Variants in NPPC observed in about 807,000 individuals in gnomAD.
NPPC encodes the protein natriuretic peptide C.
NPPC carries 4 observed loss-of-function variants against 10.2 expected under a neutral mutation model. The observed-to-expected ratio is 0.39, with a 90% CI of 0.19 to 0.90. The LOEUF (loss-of-function observed/expected upper bound fraction) is 0.90. Among genes scored for constraint, NPPC ranks in the 40% least tolerant of loss-of-function variants. NPPC has a pLI of 0.37. For missense variants in NPPC, 182 were observed against 173.8 expected (o/e 1.05, Z -0.26); for synonymous variants, 83 against 87.3 (o/e 0.95, Z 0.27).
At chr2:231,925,859 C>G (rs890415878) in intron 1 of NPPC, 144 bp from the exon 2 acceptor site, 294 of 1,037,478 alleles carry the variant, frequency 2.8e-4, no homozygotes, top group Non-Finnish European at 1.1e-4. Context: ...AGCTTGGCCC[C>G]GCATCCACCT....
rs1278557722 is a variant in NPPC at position 231,925,583 on chromosome 2, G to T, written c.223C>A (p.Leu75Met). Residue 75 changes from leucine (L) to methionine (M), a missense_variant, in exon 2 of 3, where the codon CTG (leucine) becomes ATG (methionine). Physicochemically the swap from Leu to Met is conservative, Grantham distance 15. Coordinates refer to ENST00000409852, the MANE Select transcript of NPPC (RefSeq NM_024409.4). ...KGDRSRLLRD[L>M]RVDTKSRAAW... ...GCCCGCGACTTGGTGTCCACGCGCAGGTCCCGGAGCAGTCGCGACCGGTCG... is the reference window on the plus strand; with the variant it reads ...GCCCGCGACTTGGTGTCCACGCGCATGTCCCGGAGCAGTCGCGACCGGTCG... 6.2e-7 allele frequency: 1 copy of T among 1,612,246 alleles called. No homozygotes were observed. Among genetic ancestry groups the T allele is most frequent in the Non-Finnish European group, 8.5e-7 (1 of 1,179,568 alleles).
chr2:231,926,235 C>G lies in NPPC; in HGVS notation c.15G>C (p.Gln5His). The change falls in exon 1 of 3, where the codon CAG (glutamine) becomes CAC (histidine). Residue 5 changes from glutamine to histidine, a missense_variant. Physicochemically the swap from Gln to His is conservative, Grantham distance 24 (BLOSUM62 0). Transcript: ENST00000409852. ...TGAGCAGCAGGGCGCAGGCCAGCAG[C>G]TGGGAGAGATGCATGGTGCCGCTGG... is the stretch of plus-strand genomic sequence containing the variant. Reference protein sequence around the residue: MHLSQLLACALLLTL... With the variant: MHLSHLLACALLLTL... 7.6e-7 allele frequency: 1 copy of G among 1,322,186 alleles called. No individual in the cohort carries two copies. The highest frequency in any genetic ancestry group is 9.7e-7 in the Non-Finnish European group (1 of 1,032,882). The allele number at this position is 1,322,186 out of a possible 1,614,324, so 81.9% of individuals were successfully genotyped here. A position where few individuals can be genotyped will look rare whatever the true frequency, so the allele number is the denominator to read the frequency against.
chr2:231,923,084 G>T (rs1024131086), intron 2 of NPPC, among the ~76,000 whole-genome samples: 1 of 152,162 alleles, frequency 6.6e-6, no homozygotes, highest in Non-Finnish European at 1.5e-5. Flanking sequence ...TGGGTGCCCC[G>T]GGGCCCAAGG....
rs1691936102 is a variant in NPPC at position 231,922,034 on chromosome 2, A to T, written c.*302T>A. 3 of 151,538 alleles carry T rather than the reference A, an allele frequency of 2.0e-5. No homozygotes were observed. Among genetic ancestry groups the T allele is most frequent in the Non-Finnish European group, 4.4e-5 (3 of 67,912 alleles). The allele number at this position is 151,538 out of a possible 1,614,324, so 9.4% of individuals were successfully genotyped here. A position where few individuals can be genotyped will look rare whatever the true frequency, so the allele number is the denominator to read the frequency against. On this transcript the variant is annotated 3_prime_UTR_variant, in exon 3 of 3. Coordinates refer to ENST00000409852, the MANE Select transcript of NPPC (RefSeq NM_024409.4). ...CAGCTGGTTCTGTCAGTCTCTTAAAAACTGTCCCTTGTCATCAAGTCGGTG... is the reference window on the plus strand; with the variant it reads ...CAGCTGGTTCTGTCAGTCTCTTAAATACTGTCCCTTGTCATCAAGTCGGTG...
At position 231,925,407 on chromosome 2, in the gene NPPC, C is replaced by A; in HGVS notation, c.*18G>T. 6.3e-7 allele frequency: 1 copy of A among 1,584,702 alleles called. No homozygotes were observed. Among genetic ancestry groups the A allele is most frequent in the Non-Finnish European group, 8.6e-7 (1 of 1,164,032 alleles). On this transcript the variant is annotated splice_region_variant and 3_prime_UTR_variant, in exon 2 of 3. Coordinates refer to ENST00000409852, the MANE Select transcript of NPPC (RefSeq NM_024409.4). ...GGCGTCGGGTGGGCCGTACTCACCG[C>A]CGCCAGGGGGCGCCGCACTAACATC... is the stretch of plus-strand genomic sequence containing the variant.
chr2:231,924,718 C>T (rs1474793092), intron 2 of NPPC, among the ~76,000 whole-genome samples: 1 of 152,124 alleles, frequency 6.6e-6, no homozygotes, highest in Non-Finnish European at 1.5e-5. Flanking sequence ...CCCAGAGCAC[C>T]GGTTGGGTCG....
rs1219041060 is a variant in NPPC, at chr2:231,925,394, G to A, written c.*20+11C>T. 4 of 1,570,780 alleles carry A rather than the reference G, an allele frequency of 2.5e-6. No individual in the cohort carries two copies. Among genetic ancestry groups the A allele is most frequent in the Non-Finnish European group, 3.5e-6 (4 of 1,158,150 alleles). On this transcript the variant is annotated intron_variant, in intron 2 of 2. Transcript: ENST00000409852. The stretch of plus-strand genomic sequence containing the variant: ...CGGGCTGGGGCTGGGCGTCGGGTGG[G>A]CCGTACTCACCGCCGCCAGGGGGCG...
chr2:231,923,079 G>A (rs1454647838), intron 2 of NPPC, among the ~76,000 whole-genome samples: 1 of 152,182 alleles, frequency 6.6e-6, no homozygotes, highest in East Asian at 1.9e-4. Context: ...GTGTGTGGGT[G>A]CCCCGGGGCC....
chr2:231,925,586 C>T lies in NPPC; in HGVS notation c.220G>A (p.Asp74Asn). 6.2e-7 allele frequency: 1 copy of T among 1,612,126 alleles called. No homozygotes were observed. Among genetic ancestry groups the T allele is most frequent in the Non-Finnish European group, 8.5e-7 (1 of 1,179,548 alleles). The change falls in exon 2 of 3, where the codon GAC (aspartate) becomes AAC (asparagine). Residue 74 changes from aspartate (D) to asparagine (N), a missense_variant. Transcript: ENST00000409852. ...CGCGACTTGGTGTCCACGCGCAGGT[C>T]CCGGAGCAGTCGCGACCGGTCGCCC... ...LKGDRSRLLRDLRVDTKSRAA... is the reference protein window; with the variant it reads ...LKGDRSRLLRNLRVDTKSRAA...
In NPPC at chr2:231,925,397, G is replaced by A. The variant is rs775558519; in HGVS notation, c.*20+8C>T. 1.9e-6 allele frequency: 3 copies of A among 1,574,588 alleles called. No individual in the cohort carries two copies. The highest frequency in any genetic ancestry group is 1.7e-6 in the Non-Finnish European group (2 of 1,159,804). ...GCTGGGGCTGGGCGTCGGGTGGGCC[G>A]TACTCACCGCCGCCAGGGGGCGCCG... On this transcript the variant is annotated splice_region_variant and intron_variant, in intron 2 of 2. Coordinates refer to ENST00000409852, the MANE Select transcript of NPPC (RefSeq NM_024409.4).
chr2:231,925,675 T>C lies in NPPC; in HGVS notation c.131A>G (p.Gln44Arg), dbSNP rs80022541. 2.1e-4 allele frequency: 335 copies of C among 1,595,476 alleles called. 4 individuals carry two copies. In the East Asian group the frequency reaches 7.5e-3, roughly 36 times the overall value. The change falls in exon 2 of 3, where the codon CAG becomes CGG. Residue 44 changes from glutamine (Q) to arginine (R), a missense_variant. Physicochemically the swap from Gln to Arg is conservative, Grantham distance 43. Transcript: ENST00000409852. ...TPPAEELAEP[Q>R]AAGGGQKKGD... ...CTTCTTCTGACCGCCGCCCGCAGCC[T>C]GCGGCTCGGCCAGCTCCTCTGCCGG...
At position 231,926,277 on chromosome 2, in the gene NPPC, C is replaced by T; in HGVS notation, c.-28G>A. The T allele has an allele frequency of 7.9e-7, 1 of 1,270,606 alleles. No individual in the cohort carries two copies. Among genetic ancestry groups the T allele is most frequent in the Non-Finnish European group, 9.9e-7 (1 of 1,006,020 alleles). The allele number at this position is 1,270,606 out of a possible 1,614,324, so 78.7% of individuals were successfully genotyped here. A position where few individuals can be genotyped will look rare whatever the true frequency, so the allele number is the denominator to read the frequency against. On this transcript the variant is annotated 5_prime_UTR_variant, in exon 1 of 3. The change creates a new upstream start codon in the 5' untranslated region. Transcript: ENST00000409852. The stretch of plus-strand genomic sequence containing the variant: ...TGCCGCTGGGGTCGAGGGGCGCACA[C>T]GGGCGGCAGCGAGGGCGCGCAGGTC...
intron 2 of NPPC, among the ~76,000 whole-genome samples, chr2:231,922,829 T>A (rs1574749561): frequency 6.6e-6 from 1 of 152,266 alleles, no homozygotes; most frequent in African/African-American, 2.4e-5. Flanking sequence ...AATTGGATAA[T>A]AGCCACCTCC....
chr2:231,924,679 C>T (rs549393076), intron 2 of NPPC, among the ~76,000 whole-genome samples: 1 of 152,252 alleles, frequency 6.6e-6, no homozygotes, highest in East Asian at 1.9e-4. Context: ...AGCCCTAGTG[C>T]GGGGTGAGAC....
Position 231,922,698 on chromosome 2 carries a change from T to A in NPPC, c.*21-383A>T, listed in dbSNP as rs575994905. 2.1e-3 allele frequency among the ~76,000 whole-genome samples: 317 copies of A among 152,338 alleles called. 1 individual carries two copies. Among genetic ancestry groups the A allele is most frequent in the Non-Finnish European group, 3.6e-3 (244 of 68,034 alleles). Reference sequence around the variant, plus strand: ...AGTGCTCGCCCGGGGTTCGTGTGTCTGAGTGACCATGGATGGAAGGAGAAG... The same window carrying A: ...AGTGCTCGCCCGGGGTTCGTGTGTCAGAGTGACCATGGATGGAAGGAGAAG... On this transcript the variant is annotated intron_variant, in intron 2 of 2. Coordinates refer to ENST00000409852, the MANE Select transcript of NPPC (RefSeq NM_024409.4).
intron 2 of NPPC, 28 bp downstream of exon 2, chr2:231,925,377 G>C (rs1691988655): frequency 6.6e-7 from 1 of 1,512,716 alleles, no homozygotes; most frequent in African/African-American, 1.4e-5. Flanking sequence ...GCCGGGCTGG[G>C]GCTGGGCGTC....
At chr2:231,925,322 G>A (rs763889923) in intron 2 of NPPC, 83 bp downstream of exon 2, 42 of 1,206,042 alleles carry the variant, frequency 3.5e-5, no homozygotes, top group Non-Finnish European at 4.5e-5. Flanking sequence ...GAGCAAAGGC[G>A]GCTCGCGCGC....
In NPPC at chr2:231,925,664, CG is replaced by C; in HGVS notation, c.141del (p.Gly48AlafsTer74). The part of the protein sequence containing the change: ...AEELAEPQAA[G>X]GGQKKGDKAP... ...GCCTTGTCGCCCTTCTTCTGACCGCCGCCCGCAGCCTGCGGCTCGGCCAGCT... is the reference window on the plus strand; with the variant it reads ...GCCTTGTCGCCCTTCTTCTGACCGCCCCCGCAGCCTGCGGCTCGGCCAGCT... On this transcript the variant is annotated frameshift_variant, in exon 2 of 3. Transcript: ENST00000409852. LOFTEE classifies it high-confidence loss of function. The C allele has an allele frequency of 6.2e-7, 1 of 1,600,668 alleles. No homozygotes were observed. The highest frequency in any genetic ancestry group is 8.5e-7 in the Non-Finnish European group (1 of 1,175,898).
chr2:231,925,286 C>G, intron 2 of NPPC, 119 bp downstream of exon 2: 2 of 778,998 alleles, frequency 2.6e-6, no homozygotes, highest in Non-Finnish European at 3.7e-6. Flanking sequence ...ATAAAGGGGG[C>G]GGCTGGCAAA....
Sources: allele counts gnomAD v4.1 joint callset (sites outside exome capture counted in the v4.1 genomes callset), GRCh38; gene constraint gnomAD v4.1.1; transcripts MANE v1.5; gene names NCBI Gene and HGNC (gene_info 2026-07-23, HGNC 2026-07-21).